Variants in FOXP2 observed in about 807,000 individuals in gnomAD.
The protein encoded by FOXP2 is forkhead box protein P2.
A neutral mutation model predicts 115.8 loss-of-function variants in FOXP2; 12 were observed. The observed-to-expected ratio is 0.10, with a 90% confidence interval of 0.07 to 0.17. FOXP2 has a LOEUF of 0.17. FOXP2 is among the 10% of genes least tolerant of loss of function. The pLI is 1.00. For missense variants in FOXP2, 629 were observed against 843.5 expected (o/e 0.75, Z 3.15); for synonymous variants, 328 against 297.7 (o/e 1.10, Z -1.05).
At chr7:114,428,567 G>A (rs895527206) in intron 2 of FOXP2, among the ~76,000 whole-genome samples, 3 of 151,258 alleles carry the variant, frequency 2.0e-5, no homozygotes, top group African/African-American at 7.3e-5. Context: ...GCTACTTTAG[G>A]AAGTGTCTAC....
upstream of FOXP2, among the ~76,000 whole-genome samples, chr7:114,411,729 C>T (rs1793167511): frequency 6.6e-6 from 1 of 152,060 alleles, no homozygotes; most frequent in African/African-American, 2.4e-5. Flanking sequence ...CTAGCTCATT[C>T]GATGTGTCTT....
At chr7:114,488,096 G>A (rs1343865820) in intron 2 of FOXP2, among the ~76,000 whole-genome samples, 2 of 152,144 alleles carry the variant, frequency 1.3e-5, no homozygotes, top group Non-Finnish European at 2.9e-5. Context: ...ACATGGCTGG[G>A]GAGGACTCAC....
chr7:114,663,101 AATTGT>A (rs1174318133), intron 14 of FOXP2, among the ~76,000 whole-genome samples: 12 of 152,248 alleles, frequency 7.9e-5, no homozygotes, highest in East Asian at 3.9e-4. Flanking sequence ...TCAAATTGGT[AATTGT>A]ATTGTATATT....
intron 2 of FOXP2, among the ~76,000 whole-genome samples, chr7:114,289,651 A>G (rs1796545769): frequency 1.3e-5 from 2 of 151,950 alleles, no homozygotes; most frequent in African/African-American, 4.8e-5. Context: ...ACTATTTTTT[A>G]AAAGTAGAGA....
chr7:114,393,128 A>G (rs892305132), intron 2 of FOXP2, among the ~76,000 whole-genome samples: 2 of 152,150 alleles, frequency 1.3e-5, no homozygotes, highest in South Asian at 4.1e-4. Context: ...TATCAGGGTG[A>G]TGTGCAATTC....
At chr7:114,593,815 G>T (rs1248367237) in intron 3 of FOXP2, among the ~76,000 whole-genome samples, 3 of 151,850 alleles carry the variant, frequency 2.0e-5, no homozygotes, top group Admixed American at 6.6e-5. Flanking sequence ...AGTTTATATT[G>T]CAAATAAGTT....
At chr7:114,143,147 CAAT>C (rs77761140) in intron 1 of FOXP2, among the ~76,000 whole-genome samples, 11,833 of 139,440 alleles carry the variant, frequency 0.085, 583 homozygotes, top group Non-Finnish European at 0.1. Context: ...GACCCTGTCT[CAAT>C]AATAATAATA....
intron 1 of FOXP2, among the ~76,000 whole-genome samples, chr7:114,270,663 T>A (rs531718608): frequency 5.9e-5 from 9 of 152,320 alleles, no homozygotes; most frequent in African/African-American, 1.9e-4. Context: ...ATTGAGTTTT[T>A]TTCTTATTGT....
At chr7:114,114,602 T>C (rs547750068) in intron 1 of FOXP2, among the ~76,000 whole-genome samples, 17 of 152,280 alleles carry the variant, frequency 1.1e-4, no homozygotes, top group African/African-American at 4.1e-4. Context: ...GATGAATGTT[T>C]TGAACAGTGT....
At chr7:114,414,713 T>C (rs1338811374), upstream of FOXP2, 1 of 169,008 alleles carries the variant, frequency 5.9e-6, no homozygotes. Context: ...TTTTGTAAAC[T>C]ACTTCCTTTG....
chr7:114,670,855 A>G (rs1807451190), intron 16 of FOXP2, among the ~76,000 whole-genome samples: 1 of 152,094 alleles, frequency 6.6e-6, no homozygotes, highest in Non-Finnish European at 1.5e-5. Flanking sequence ...GAAGTGACTG[A>G]CAACTTGAGC....
chr7:114,637,941 A>G (rs759137048), intron 6 of FOXP2, among the ~76,000 whole-genome samples: 1 of 152,156 alleles, frequency 6.6e-6, no homozygotes, highest in Non-Finnish European at 1.5e-5. Flanking sequence ...ATTAGATATC[A>G]TATGTGAAGC....
In FOXP2 at chr7:114,207,785, C is replaced by T. The variant is rs113803213; in HGVS notation, c.-102+44697C>T. Reference sequence around the variant, plus strand: ...GTTTTTTGAATTTGTCTTCAGATTACTCTACAATAGGACCTAACTCTTAGT... The same window carrying T: ...GTTTTTTGAATTTGTCTTCAGATTATTCTACAATAGGACCTAACTCTTAGT... On this transcript the variant is annotated intron_variant, in intron 1 of 17. Coordinates refer to the FOXP2 transcript ENST00000634411. Among the ~76,000 whole-genome samples, 733 of 152,300 alleles carry T rather than the reference C, an allele frequency of 4.8e-3. 3 individuals carry two copies. Among genetic ancestry groups the T allele is most frequent in the African/African-American group, 0.016 (680 of 41,566 alleles).
intron 1 of FOXP2, among the ~76,000 whole-genome samples, chr7:114,220,022 A>G (rs910193525): frequency 1.4e-5 from 2 of 147,104 alleles, no homozygotes; most frequent in East Asian, 2.0e-4. Context: ...GCGCACCACC[A>G]TGCTCAGCTA....
chr7:114,160,853 G>A (rs1792808213), upstream of FOXP2, among the ~76,000 whole-genome samples: 1 of 150,846 alleles, frequency 6.6e-6, no homozygotes, highest in Non-Finnish European at 1.5e-5. Flanking sequence ...TTTCCATATT[G>A]ATAATGTAAT....
intron 3 of FOXP2, among the ~76,000 whole-genome samples, chr7:114,574,122 T>A (rs1048670125): frequency 6.6e-6 from 1 of 151,818 alleles, no homozygotes; most frequent in Admixed American, 6.6e-5. Flanking sequence ...CTCTATCAAT[T>A]CATTGCAATA....
At chr7:114,234,063 G>T (rs1279782086) in intron 1 of FOXP2, among the ~76,000 whole-genome samples, 1 of 151,994 alleles carries the variant, frequency 6.6e-6, no homozygotes, top group Non-Finnish European at 1.5e-5. Context: ...ATTATCACTG[G>T]GTATTGAGAT....
chr7:114,345,750 G>A (rs959567664), intron 2 of FOXP2, among the ~76,000 whole-genome samples: 6 of 151,702 alleles, frequency 4.0e-5, no homozygotes, highest in African/African-American at 1.2e-4. Flanking sequence ...ATCTGATTTT[G>A]TGGCTTTTGA....
intron 1 of FOXP2, among the ~76,000 whole-genome samples, chr7:114,111,672 T>C (rs1247720021): frequency 6.6e-6 from 1 of 152,092 alleles, no homozygotes; most frequent in Admixed American, 6.5e-5. Flanking sequence ...AATTTAATAG[T>C]AATTTTTCAC....
Sources: gnomAD v4.1 joint callset for allele counts (sites outside exome capture counted in the v4.1 genomes callset) on GRCh38, gnomAD v4.1.1 for gene constraint, MANE v1.5 for transcripts, NCBI Gene and HGNC (gene_info 2026-07-23, HGNC 2026-07-21) for gene names.